UBTD2: variants seen among roughly 807,000 people sequenced by gnomAD.
The protein encoded by UBTD2 is ubiquitin domain containing 2.
In UBTD2, 9 loss-of-function variants were observed where a neutral mutation model predicts 19.8. That is an observed-to-expected ratio of 0.46 (90% CI 0.27 to 0.79). The LOEUF (loss-of-function observed/expected upper bound fraction) is 0.79. UBTD2 is among the 30% of genes least tolerant of loss of function. The probability of loss-of-function intolerance (pLI) is 0.14; values close to 1 mark genes in which losing one functional copy is unlikely to be tolerated. For missense variants in UBTD2, 250 were observed against 300.4 expected (o/e 0.83, Z 1.24); for synonymous variants, 98 against 103.9 (o/e 0.94, Z 0.35).
chr5:172,230,628 C>T (rs767643981), intron 2 of UBTD2, among the ~76,000 whole-genome samples: 1 of 151,994 alleles, frequency 6.6e-6, no homozygotes, highest in Non-Finnish European at 1.5e-5. Context: ...GCAAGTAATA[C>T]GGTAGGGACA....
At chr5:172,251,465 C>CAAAAAAAA (rs59810255) in intron 1 of UBTD2, among the ~76,000 whole-genome samples, 1 of 91,954 alleles carries the variant, frequency 1.1e-5, no homozygotes, top group African/African-American at 4.1e-5. Flanking sequence ...TCAAACTGTC[C>CAAAAAAAA]AAAAAAAAAA....
At chr5:172,249,508 A>AT (rs1484850372) in intron 1 of UBTD2, among the ~76,000 whole-genome samples, 1 of 152,068 alleles carries the variant, frequency 6.6e-6, no homozygotes, top group Non-Finnish European at 1.5e-5. Context: ...CATTACCCTA[A>AT]TACTAAAGCC....
chr5:172,217,257 C>CA (rs35402005), intron 2 of UBTD2, among the ~76,000 whole-genome samples: 15,152 of 145,326 alleles, frequency 0.1, 773 homozygotes, highest in South Asian at 0.16. Context: ...AGTAAAAATA[C>CA]AAAAAAAAAA....
At chr5:172,238,402 T>C (rs1772054366) in intron 1 of UBTD2, among the ~76,000 whole-genome samples, 1 of 152,174 alleles carries the variant, frequency 6.6e-6, no homozygotes, top group South Asian at 2.1e-4. Context: ...AAATAAAAAA[T>C]TAATAAAGCA....
At chr5:172,249,243 C>CA (rs1478065356) in intron 1 of UBTD2, among the ~76,000 whole-genome samples, 1 of 149,910 alleles carries the variant, frequency 6.7e-6, no homozygotes, top group South Asian at 2.1e-4. Flanking sequence ...ACTAAAAATA[C>CA]AAAAAATTAG....
intron 2 of UBTD2, among the ~76,000 whole-genome samples, chr5:172,226,825 A>G (rs879604511): frequency 6.6e-6 from 1 of 152,174 alleles, no homozygotes; most frequent in Non-Finnish European, 1.5e-5. Context: ...AGGTCTAGCT[A>G]TCTCAAACTA....
chr5:172,239,902 T>TCAAAA lies in UBTD2; in HGVS notation c.71-5549_71-5545dup, dbSNP rs544819677. Among the ~76,000 whole-genome samples, 80 of 152,232 alleles carry TCAAAA rather than the reference T, an allele frequency of 5.3e-4. 1 individual carries two copies. The highest frequency in any genetic ancestry group is 2.1e-3 in the East Asian group (11 of 5,164). ...CTGGGCAACAGAGCGAGACTCCGTCTCAAAACAAAACAAAACAAAACAGAA... is the reference window on the plus strand; with the variant it reads ...CTGGGCAACAGAGCGAGACTCCGTCTCAAAACAAAACAAAACAAAACAAAACAGAA... On this transcript the variant is annotated intron_variant, in intron 1 of 2. Coordinates refer to ENST00000393792, the MANE Select transcript of UBTD2 (RefSeq NM_152277.3).
At chr5:172,245,110 A>G (rs1190888574) in intron 1 of UBTD2, among the ~76,000 whole-genome samples, 1 of 152,240 alleles carries the variant, frequency 6.6e-6, no homozygotes, top group Non-Finnish European at 1.5e-5. Context: ...GCTATTCTAG[A>G]TAAACCAAGA....
At chr5:172,216,591 CAAAAAAAAAAA>C (rs57657254) in intron 2 of UBTD2, among the ~76,000 whole-genome samples, 3 of 36,932 alleles carry the variant, frequency 8.1e-5, no homozygotes, top group African/African-American at 2.8e-4. Flanking sequence ...CATCTCTACC[CAAAAAAAAAAA>C]AAAAAAAAAA....
intron 2 of UBTD2, among the ~76,000 whole-genome samples, chr5:172,229,848 CCT>C (rs1209534175): frequency 2.6e-5 from 4 of 151,800 alleles, no homozygotes; most frequent in Non-Finnish European, 2.9e-5. Context: ...TTTTTCTTAC[CCT>C]GTTTATACCA....
intron 1 of UBTD2, among the ~76,000 whole-genome samples, chr5:172,241,785 T>C (rs1475257966): frequency 1.3e-5 from 2 of 152,198 alleles, no homozygotes; most frequent in East Asian, 3.9e-4. Flanking sequence ...GAGGCCAAGA[T>C]GCAAGGATCA....
intron 1 of UBTD2, among the ~76,000 whole-genome samples, chr5:172,235,877 G>A (rs1334173742): frequency 6.6e-6 from 1 of 152,128 alleles, no homozygotes; most frequent in Admixed American, 6.6e-5. Context: ...GAGTGGGTGG[G>A]AAATAAATGA....
At chr5:172,274,135 C>CTTTTTTTTTTTT (rs555392614) in intron 1 of UBTD2, among the ~76,000 whole-genome samples, 2 of 108,648 alleles carry the variant, frequency 1.8e-5, no homozygotes, top group South Asian at 3.1e-4. Flanking sequence ...TTTTGCTTTA[C>CTTTTTTTTTTTT]TTTTTTTTTT....
chr5:172,223,854 T>C (rs968376435), intron 2 of UBTD2, among the ~76,000 whole-genome samples: 2 of 151,992 alleles, frequency 1.3e-5, no homozygotes, highest in Admixed American at 1.3e-4. Context: ...AAGGAGAAAA[T>C]GTACTTGGAA....
intron 1 of UBTD2, among the ~76,000 whole-genome samples, chr5:172,259,754 C>T (rs538427871): frequency 2.3e-4 from 35 of 152,064 alleles, no homozygotes; most frequent in African/African-American, 8.4e-4. Context: ...AGCTTTTGGA[C>T]TGTATCAACA....
At chr5:172,264,561 T>TAAAAAAAA (rs61132221) in intron 1 of UBTD2, among the ~76,000 whole-genome samples, 1 of 107,990 alleles carries the variant, frequency 9.3e-6, no homozygotes. Context: ...ATTAAAAAAT[T>TAAAAAAAA]AAAAAAAAAA....
At chr5:172,254,245 AT>A (rs1426153547) in intron 1 of UBTD2, among the ~76,000 whole-genome samples, 5 of 152,068 alleles carry the variant, frequency 3.3e-5, no homozygotes, top group Non-Finnish European at 7.4e-5. Flanking sequence ...GATTACAGGT[AT>A]CCGCCACCAC....
intron 1 of UBTD2, among the ~76,000 whole-genome samples, chr5:172,263,851 C>CTGTGTGTGTGTGTGTG (rs111856574): frequency 0.15 from 20,844 of 142,122 alleles, 1,713 homozygotes; most frequent in Non-Finnish European, 0.17. Flanking sequence ...GCACGTGCCT[C>CTGTGTGTGTGTGTGTG]TGTGTGTGTG....
At chr5:172,252,694 T>C (rs917451648) in intron 1 of UBTD2, among the ~76,000 whole-genome samples, 1 of 152,146 alleles carries the variant, frequency 6.6e-6, no homozygotes, top group Non-Finnish European at 1.5e-5. Context: ...GTTAAGAGCC[T>C]GGCAAAAATG....
Sources: allele counts gnomAD v4.1 joint callset (sites outside exome capture counted in the v4.1 genomes callset), GRCh38; gene constraint gnomAD v4.1.1; transcripts MANE v1.5; gene names NCBI Gene and HGNC (gene_info 2026-07-23, HGNC 2026-07-21).